The following DSCAM variants were observed in gnomAD, a reference collection of about 807,000 sequenced individuals.
DSCAM encodes the protein cell adhesion molecule DSCAM.
A neutral mutation model predicts 217.7 loss-of-function variants in DSCAM; 47 were observed. That is an observed-to-expected ratio of 0.22 (90% CI 0.17 to 0.28). DSCAM has a LOEUF of 0.28. Ranked by LOEUF, DSCAM falls within the 10% of genes least tolerant of loss-of-function variation. The pLI, the probability that DSCAM is intolerant of heterozygous loss-of-function variation, is 1.00. For missense variants in DSCAM, 2,080 were observed against 2,618.3 expected (o/e 0.79, Z 4.49); for synonymous variants, 1,056 against 1,015.3 (o/e 1.04, Z -0.76).
At chr21:40,568,509 GC>G (rs2076782182) in intron 3 of DSCAM, among the ~76,000 whole-genome samples, 1 of 152,118 alleles carries the variant, frequency 6.6e-6, no homozygotes, top group Non-Finnish European at 1.5e-5. Context: ...TCAAGGAGAT[GC>G]TTAAGGTATT....
intron 3 of DSCAM, among the ~76,000 whole-genome samples, chr21:40,610,642 C>A (rs2089301025): frequency 6.6e-6 from 1 of 152,202 alleles, no homozygotes; most frequent in Non-Finnish European, 1.5e-5. Flanking sequence ...CTCTAATCTG[C>A]ATAATAAGAT....
At chr21:40,206,686 C>CA (rs537702443) in intron 11 of DSCAM, among the ~76,000 whole-genome samples, 8,898 of 130,562 alleles carry the variant, frequency 0.068, 349 homozygotes, top group Non-Finnish European at 0.093. Context: ...TGGGATTTGC[C>CA]AAAAAAAAAA....
chr21:40,350,083 G>A (rs1647903299), intron 5 of DSCAM, among the ~76,000 whole-genome samples: 2 of 151,840 alleles, frequency 1.3e-5, no homozygotes, highest in African/African-American at 4.8e-5. Flanking sequence ...TTTAAGTTCT[G>A]GGATACATGC....
At chr21:40,563,790 G>A (rs567523528) in intron 3 of DSCAM, among the ~76,000 whole-genome samples, 94 of 147,140 alleles carry the variant, frequency 6.4e-4, no homozygotes, top group African/African-American at 1.8e-3. Context: ...ATGTTTATAT[G>A]TTTATATATA....
At chr21:40,705,615 A>G (rs1373559711) in intron 2 of DSCAM, among the ~76,000 whole-genome samples, 2 of 152,176 alleles carry the variant, frequency 1.3e-5, no homozygotes, top group African/African-American at 4.8e-5. Context: ...GAAGTGCCAG[A>G]TGCTTATAAA....
intron 3 of DSCAM, among the ~76,000 whole-genome samples, chr21:40,644,682 G>A (rs1243915504): frequency 6.6e-6 from 1 of 152,166 alleles, no homozygotes; most frequent in East Asian, 1.9e-4. Context: ...GGGCTCTTGA[G>A]CTGCTTGCTT....
chr21:40,072,637 C>T (rs181127942), intron 27 of DSCAM, among the ~76,000 whole-genome samples: 24 of 152,152 alleles, frequency 1.6e-4, no homozygotes, highest in East Asian at 7.8e-4. Flanking sequence ...TGTGAGCCAC[C>T]GCACCCGGCC....
At chr21:40,200,733 T>C (rs1347317122) in intron 11 of DSCAM, among the ~76,000 whole-genome samples, 1 of 152,194 alleles carries the variant, frequency 6.6e-6, no homozygotes, top group East Asian at 1.9e-4. Flanking sequence ...TGCCTCTCAG[T>C]TTCATCTCCG....
intron 3 of DSCAM, among the ~76,000 whole-genome samples, chr21:40,545,566 C>T (rs1324761212): frequency 6.6e-6 from 1 of 152,148 alleles, no homozygotes; most frequent in Non-Finnish European, 1.5e-5. Flanking sequence ...CACAAAGAGG[C>T]ATGACCTTTG....
At position 40,380,976 on chromosome 21, in the gene DSCAM, T is replaced by C. The variant is rs983580730; in HGVS notation, c.509-11731A>G. Among the ~76,000 whole-genome samples, 16 of 135,442 alleles carry C rather than the reference T, an allele frequency of 1.2e-4. 1 individual carries two copies. The highest frequency in any genetic ancestry group is 4.1e-4 in the African/African-American group (15 of 36,262). 88.9% of individuals were successfully genotyped at this position (135,442 alleles called of 152,430 possible). On this transcript the variant is annotated intron_variant, in intron 3 of 32. Coordinates refer to ENST00000400454, the MANE Select transcript of DSCAM (RefSeq NM_001389.5). ...TGCTCGGGAGGCTGAGGCAGGAGAA[T>C]GGCGGGAACCCGGGAGGCGGAGCCT...
intron 3 of DSCAM, among the ~76,000 whole-genome samples, chr21:40,665,925 C>T (rs1202688403): frequency 1.3e-5 from 2 of 152,064 alleles, no homozygotes; most frequent in East Asian, 3.9e-4. Context: ...TATCTCATGC[C>T]ACCTGTTCTT....
At chr21:40,219,959 T>C (rs1018527081) in intron 11 of DSCAM, among the ~76,000 whole-genome samples, 12 of 152,224 alleles carry the variant, frequency 7.9e-5, no homozygotes. Flanking sequence ...CCATAAAAGA[T>C]ACTAAATAGC....
Position 40,022,240 on chromosome 21 carries a change from T to C in DSCAM, c.5687-8854A>G, listed in dbSNP as rs535768849. ...ACATGTAGCAAAGTCTGGAGACATT[T>C]TGATTGTCATAACACAGGGGAGGGT... On this transcript the variant is annotated intron_variant, in intron 32 of 32. Transcript: ENST00000400454. Among the ~76,000 whole-genome samples, 8 of 152,246 alleles carry C rather than the reference T, an allele frequency of 5.3e-5. No homozygotes were observed. The South Asian group carries it at 1.7e-3, about 32-fold the overall frequency.
intron 3 of DSCAM, among the ~76,000 whole-genome samples, chr21:40,453,351 G>A (rs1752810144): frequency 6.6e-6 from 1 of 152,054 alleles, no homozygotes; most frequent in Admixed American, 6.6e-5. Flanking sequence ...AAAATTCCAT[G>A]GTATGTCACA....
chr21:40,618,228 G>C (rs568992206), intron 3 of DSCAM, among the ~76,000 whole-genome samples: 1 of 152,090 alleles, frequency 6.6e-6, no homozygotes, highest in Non-Finnish European at 1.5e-5. Flanking sequence ...TGTGTGCTCC[G>C]TTTTCAGAAA....
intron 3 of DSCAM, among the ~76,000 whole-genome samples, chr21:40,605,799 T>TTC (rs2089228893): frequency 7.4e-6 from 1 of 135,560 alleles, no homozygotes; most frequent in Non-Finnish European, 1.6e-5. Flanking sequence ...TTCTTTTTTT[T>TTC]TTTTTTTTTT....
At chr21:40,673,883 C>T (rs969870563) in intron 3 of DSCAM, among the ~76,000 whole-genome samples, 2 of 152,122 alleles carry the variant, frequency 1.3e-5, no homozygotes, top group African/African-American at 2.4e-5. Flanking sequence ...CCTGCAGAAC[C>T]GTGAGCCGGT....
Position 40,144,867 on chromosome 21 carries a change from G to T in DSCAM, c.3019-136C>A. On this transcript the variant is annotated intron_variant, in intron 16 of 32. Transcript: ENST00000400454. The surrounding 1 kb of genome is among the most constrained non-coding windows in gnomAD (Gnocchi z 4.8). ...ATGCTGGGGCGGTGGTCCGGTAGCA[G>T]CCGCAAACCCACGTACAGTGCAACT... is the stretch of plus-strand genomic sequence containing the variant. 7.8e-7 allele frequency: 1 copy of T among 1,274,970 alleles called. No individual in the cohort carries two copies. The highest frequency in any genetic ancestry group is 1.1e-6 in the Non-Finnish European group (1 of 925,198). 79.0% of individuals were successfully genotyped at this position (1,274,970 alleles called of 1,614,324 possible).
chr21:40,704,051 A>C (rs1250399943), intron 2 of DSCAM, among the ~76,000 whole-genome samples: 2 of 152,130 alleles, frequency 1.3e-5, no homozygotes, highest in African/African-American at 4.8e-5. Context: ...ATTATTATTA[A>C]CTAAAGTCCA....
Sources: allele counts gnomAD v4.1 joint callset (sites outside exome capture counted in the v4.1 genomes callset), GRCh38; gene constraint gnomAD v4.1.1; non-coding constraint Gnocchi (gnomAD v3.1); transcripts MANE v1.5; gene names NCBI Gene and HGNC (gene_info 2026-07-23, HGNC 2026-07-21).